The following MYH1 variants were observed in gnomAD, a reference collection of about 807,000 sequenced individuals.
MYH1 encodes the protein myosin-1.
Under a neutral mutation model 225.6 loss-of-function variants are expected in MYH1, and 214 were observed. That is an observed-to-expected ratio of 0.95 (90% CI 0.85 to 1.06). MYH1 has a LOEUF of 1.06. MYH1 is among the 50% of genes least tolerant of loss of function. The pLI, the probability that MYH1 is intolerant of heterozygous loss-of-function variation, is 0.00. For missense variants in MYH1, 2,098 were observed against 2,344.2 expected (o/e 0.89, Z 2.17); for synonymous variants, 774 against 842.3 (o/e 0.92, Z 1.40).
At chr17:10,516,761 T>G in intron 2 of MYH1, 79 bp from the exon 3 acceptor site, 1 of 1,261,494 alleles carries the variant, frequency 7.9e-7, no homozygotes, top group African/African-American at 1.5e-5. Flanking sequence ...AAAAAAAAAT[T>G]TACTGACCAA....
At chr17:10,494,541 G>C (rs563176613) in intron 38 of MYH1, 28 bp downstream of exon 38, 1 of 1,611,932 alleles carries the variant, frequency 6.2e-7, no homozygotes, top group Non-Finnish European at 8.5e-7. Context: ...GGACTAAAGT[G>C]AAAACCTAGA....
At chr17:10,507,693 G>T (rs1203266030) in intron 17 of MYH1, among the ~76,000 whole-genome samples, 193 bp downstream of exon 17, 1 of 151,990 alleles carries the variant, frequency 6.6e-6, no homozygotes, top group Non-Finnish European at 1.5e-5. Flanking sequence ...GAATAGTGAG[G>T]TATCTCTTCC....
At chr17:10,508,975 G>A (rs984036857) in intron 15 of MYH1, among the ~76,000 whole-genome samples, 61 of 152,250 alleles carry the variant, frequency 4.0e-4, no homozygotes, top group African/African-American at 1.2e-3. Context: ...TGTGACTTGC[G>A]AATTAGCTGC....
chr17:10,495,359 G>A, intron 35 of MYH1, 42 bp from the exon 36 acceptor site: 1 of 1,602,794 alleles, frequency 6.2e-7, no homozygotes, highest in Admixed American at 1.7e-5. Context: ...GCACATGAGA[G>A]AAAAATTAGG....
rs748698824 is a variant in MYH1, at chr17:10,499,082, T to A, written c.3876A>T (p.Ser1292=). The A allele has an allele frequency of 1.5e-5, 24 of 1,612,458 alleles. No individual in the cohort carries two copies. Among genetic ancestry groups the A allele is most frequent in the Non-Finnish European group, 2.0e-5 (23 of 1,178,768 alleles). ...GTGTGTCCTTTTCATCTAGCTGGCG[T>A]GAATATTCACCTGTAAAAGACCAAG... ...ARLQTESGEY[S]RQLDEKDTLV... is the part of the protein sequence containing the mutation. Residue 1292 remains serine (S), a synonymous_variant, in exon 29 of 40, where the codon TCA becomes TCT. Coordinates refer to ENST00000226207, the MANE Select transcript of MYH1 (RefSeq NM_005963.4).
intron 16 of MYH1, 147 bp downstream of exon 16, chr17:10,508,216 G>A: frequency 1.1e-6 from 1 of 941,818 alleles, no homozygotes; most frequent in Non-Finnish European, 1.6e-6. Context: ...ACGGGGTTTT[G>A]CTATGTTGAC....
At chr17:10,508,316 GTTATGTT>G (rs1156353434) in intron 16 of MYH1, 40 bp downstream of exon 16, 2 of 1,534,510 alleles carry the variant, frequency 1.3e-6, no homozygotes, top group South Asian at 1.3e-5. Context: ...CTGGCCTCTA[GTTATGTT>G]TTATACATTA....
At position 10,513,864 on chromosome 17, in the gene MYH1, A is replaced by C. The variant is rs1273073230; in HGVS notation, c.698T>G (p.Phe233Cys). 7 of 1,614,058 alleles carry C rather than the reference A, an allele frequency of 4.3e-6. No individual in the cohort carries two copies. The Middle Eastern group carries it at 4.9e-4, about 114-fold the overall frequency. The change falls in exon 8 of 40, where the codon TTT becomes TGT. Residue 233 changes from phenylalanine to cysteine, a missense_variant. By Grantham distance (205) the Phe-to-Cys change is radical. Transcript: ENST00000226207. ...IISANPLLEA[F>C]GNAKTVRNDN... is the part of the protein sequence containing the mutation. ...ATTCCTCACGGTCTTGGCGTTGCCA[A>C]AGGCCTCCAGTAGGGGGTTGGCACT... is the stretch of plus-strand genomic sequence containing the variant.
At position 10,501,313 on chromosome 17, in the gene MYH1, G is replaced by A. The variant is rs755825265; in HGVS notation, c.3535C>T (p.Arg1179Cys). 3.4e-5 allele frequency: 55 copies of A among 1,614,012 alleles called. No individual in the cohort carries two copies. The highest frequency in any genetic ancestry group is 2.4e-4 in the African/African-American group (18 of 74,916). ...KKREAEFQKM[R>C]RDLEEATLQH... ...AGGGTGGCCTCCTCCAGGTCCCTGC[G>A]CATTTTCTGGAACTCAGCCTCCCGC... Residue 1179 changes from arginine (R) to cysteine (C), a missense_variant, in exon 27 of 40, where the codon CGC becomes TGC. Arg to Cys is a radical substitution (Grantham distance 180, BLOSUM62 -3). Transcript: ENST00000226207.
At chr17:10,505,132 A>T in intron 21 of MYH1, 31 bp downstream of exon 21, 1 of 1,613,564 alleles carries the variant, frequency 6.2e-7, no homozygotes, top group Non-Finnish European at 8.5e-7. Flanking sequence ...ACCTAAGATG[A>T]TGAGGTTAAG....
chr17:10,517,675 C>A (rs2073241946), intron 2 of MYH1, among the ~76,000 whole-genome samples: 1 of 152,006 alleles, frequency 6.6e-6, no homozygotes, highest in African/African-American at 2.4e-5. Flanking sequence ...AATATGCTGA[C>A]AATCATGTTT....
At chr17:10,512,238 C>A in intron 12 of MYH1, 46 bp from the exon 13 acceptor site, 1 of 1,597,922 alleles carries the variant, frequency 6.3e-7, no homozygotes, top group Non-Finnish European at 8.6e-7. Context: ...ACTCTGGGAC[C>A]CACAGTTCAA....
intron 11 of MYH1, 62 bp downstream of exon 11, chr17:10,512,619 A>G: frequency 6.2e-7 from 1 of 1,611,302 alleles, no homozygotes; most frequent in East Asian, 2.2e-5. Context: ...ACACATATAG[A>G]TGGCTGTTAT....
chr17:10,508,802 C>T (rs2073142944), intron 15 of MYH1, 130 bp from the exon 16 acceptor site: 3 of 1,348,274 alleles, frequency 2.2e-6, no homozygotes, highest in Non-Finnish European at 3.0e-6. Flanking sequence ...AAACTCGTTC[C>T]TTTGGTCAGA....
intron 5 of MYH1, 129 bp from the exon 6 acceptor site, chr17:10,515,024 T>C (rs2073211499): frequency 2.5e-6 from 2 of 800,662 alleles, no homozygotes; most frequent in South Asian, 3.1e-5. Context: ...TATGGTAAAG[T>C]TATGGGTGTG....
Position 10,492,375 on chromosome 17 carries a change from T to A in MYH1, c.*41A>T. 1 of 1,601,426 alleles carries A rather than the reference T, an allele frequency of 6.2e-7. No individual in the cohort carries two copies. The highest frequency in any genetic ancestry group is 8.5e-7 in the Non-Finnish European group (1 of 1,175,074). ...AAATGGAGTGACAAAGATTTTCACA[T>A]TTTGTGCATTTCTTTGGTCACCTTT... On this transcript the variant is annotated 3_prime_UTR_variant, in exon 40 of 40. Coordinates refer to ENST00000226207, the MANE Select transcript of MYH1 (RefSeq NM_005963.4).
At chr17:10,514,995 G>A in intron 5 of MYH1, 100 bp from the exon 6 acceptor site, 1 of 1,059,682 alleles carries the variant, frequency 9.4e-7, no homozygotes, top group Non-Finnish European at 1.4e-6. Context: ...CATGTATTCA[G>A]TGGGGTTTTT....
At chr17:10,509,681 G>A (rs969648287) in intron 14 of MYH1, 26 bp from the exon 15 acceptor site, 23 of 1,613,986 alleles carry the variant, frequency 1.4e-5, no homozygotes, top group South Asian at 4.4e-5. Context: ...ATACAAATTA[G>A]CATTCAATTT....
Position 10,502,991 on chromosome 17 carries a change from G to A in MYH1, c.2934+15C>T, listed in dbSNP as rs775711885. 10 of 1,613,932 alleles carry A rather than the reference G, an allele frequency of 6.2e-6. No individual in the cohort carries two copies. Among genetic ancestry groups the A allele is most frequent in the Non-Finnish European group, 8.5e-7 (1 of 1,180,042 alleles). On this transcript the variant is annotated intron_variant, in intron 23 of 39. Coordinates refer to ENST00000226207, the MANE Select transcript of MYH1 (RefSeq NM_005963.4). ...GGCAGAACCTCTATACAGTACTGTA[G>A]AATATGATTGATACCTTGTTTTCTG...
Sources: allele counts gnomAD v4.1 joint callset (sites outside exome capture counted in the v4.1 genomes callset), GRCh38; gene constraint gnomAD v4.1.1; transcripts MANE v1.5; gene names NCBI Gene and HGNC (gene_info 2026-07-23, HGNC 2026-07-21).